Variants in DPY19L2 observed in about 807,000 individuals in gnomAD.
DPY19L2 encodes probable C-mannosyltransferase DPY19L2.
Under a neutral mutation model 97.9 loss-of-function variants are expected in DPY19L2, and 34 were observed. That is an observed-to-expected ratio of 0.35 (90% confidence interval 0.26 to 0.46). The LOEUF (loss-of-function observed/expected upper bound fraction) is 0.46, where lower values mean the gene tolerates loss of function less well. Ranked by LOEUF, DPY19L2 falls within the 20% of genes least tolerant of loss-of-function variation. DPY19L2 has a pLI of 1.00. For synonymous variants in DPY19L2, 230 were observed against 307.9 expected (o/e 0.75, Z 2.65); for missense variants, 623 against 911.4 (o/e 0.68, Z 4.07).
intron 6 of DPY19L2, among the ~76,000 whole-genome samples, chr12:63,642,028 T>C (rs1186646262): frequency 6.6e-6 from 1 of 152,158 alleles, no homozygotes; most frequent in Non-Finnish European, 1.5e-5. Flanking sequence ...ACTTTACATA[T>C]GTTTATTGAC....
rs1342083918 is a variant in DPY19L2 at position 63,576,379 on chromosome 12, G to C, written c.1900+4283C>G. Among the ~76,000 whole-genome samples the C allele has an allele frequency of 2.0e-5, 3 of 151,834 alleles. No homozygotes were observed. In the East Asian group the frequency reaches 5.8e-4, roughly 29 times the overall value. On this transcript the variant is annotated intron_variant, in intron 19 of 21. Coordinates refer to ENST00000324472, the MANE Select transcript of DPY19L2 (RefSeq NM_173812.5). The stretch of plus-strand genomic sequence containing the variant: ...ACTGAAAGCCTTTCTTCTAAGACCT[G>C]GGACATGACAAGGATGCTCACTTTT...
At chr12:63,664,351 A>G (rs1014533447) in intron 2 of DPY19L2, among the ~76,000 whole-genome samples, 6 of 151,126 alleles carry the variant, frequency 4.0e-5, no homozygotes, top group Non-Finnish European at 8.8e-5. Flanking sequence ...AAAACAAACA[A>G]AAAAAAACAA....
chr12:63,584,079 T>C (rs1881381794), intron 16 of DPY19L2: 6 of 432,878 alleles, frequency 1.4e-5, no homozygotes, highest in South Asian at 8.4e-5. Flanking sequence ...TAAGACAAAA[T>C]AGATTTTACA....
chr12:63,603,331 T>C (rs915671105), intron 12 of DPY19L2, among the ~76,000 whole-genome samples: 2 of 152,212 alleles, frequency 1.3e-5, no homozygotes, highest in Non-Finnish European at 2.9e-5. Flanking sequence ...CCCTACATTC[T>C]AGGATTCCTT....
intron 16 of DPY19L2, chr12:63,584,159 T>G (rs534736670): frequency 1.0e-5 from 2 of 200,988 alleles, no homozygotes; most frequent in East Asian, 1.2e-4. Flanking sequence ...ATATATACAG[T>G]GTATACAATA....
chr12:63,625,628 T>C (rs565099006), intron 7 of DPY19L2, among the ~76,000 whole-genome samples: 38 of 152,102 alleles, frequency 2.5e-4, no homozygotes, highest in Non-Finnish European at 4.1e-4. Context: ...TTGGGCTGAA[T>C]TAGTAAGTTA....
In DPY19L2 at chr12:63,668,231, A is replaced by G. The variant is rs777310360; in HGVS notation, c.163T>C (p.Ser55Pro). ...GKLPRGSWRS[S>P]PGRIQSLKER... ...TTCAGACTTTGGATCCTCCCCGGGGAGGACCTCCAGGAGCCCCTTGGCAGT... is the reference window on the plus strand; with the variant it reads ...TTCAGACTTTGGATCCTCCCCGGGGGGGACCTCCAGGAGCCCCTTGGCAGT... Residue 55 changes from serine to proline, a missense_variant, in exon 1 of 22, where the codon TCC becomes CCC. This residue lies in a region of DPY19L2 where 144 missense variants were observed against 119.4 expected (regional missense o/e 1.21). Transcript: ENST00000324472. 2.5e-6 allele frequency: 4 copies of G among 1,613,438 alleles called. No individual in the cohort carries two copies. In the African/African-American group the frequency reaches 5.4e-5, roughly 22 times the overall value.
chr12:63,605,693 T>C (rs757420820), intron 12 of DPY19L2, among the ~76,000 whole-genome samples: 29 of 151,928 alleles, frequency 1.9e-4, no homozygotes, highest in Middle Eastern at 3.2e-3. Flanking sequence ...ACAAGGAAAA[T>C]CAAGAAAAGC....
chr12:63,636,557 G>T (rs559896312), intron 6 of DPY19L2, among the ~76,000 whole-genome samples: 6 of 151,648 alleles, frequency 4.0e-5, no homozygotes, highest in African/African-American at 1.5e-4. Flanking sequence ...ACACACATAG[G>T]CTCAAAAAAA....
At chr12:63,605,930 C>T (rs1459610025) in intron 12 of DPY19L2, among the ~76,000 whole-genome samples, 1 of 152,120 alleles carries the variant, frequency 6.6e-6, no homozygotes, top group African/African-American at 2.4e-5. Flanking sequence ...AACCTTCATA[C>T]ACATAAATGT....
intron 13 of DPY19L2, among the ~76,000 whole-genome samples, chr12:63,599,403 T>TAA (rs1404128686): frequency 6.6e-6 from 1 of 152,068 alleles, no homozygotes; most frequent in Non-Finnish European, 1.5e-5. Context: ...ACAAATAAAC[T>TAA]AATAAACCAC....
rs1172141333 is a variant in DPY19L2, at chr12:63,588,753, T to C, written c.1581-4917A>G. ...AACCAAAAGGAAACTTTCTTTTTTT[T>C]TTTTTTTTTTTGTTTTTTGAGACGG... On this transcript the variant is annotated intron_variant, in intron 16 of 21. Transcript: ENST00000324472. Among the ~76,000 whole-genome samples, 65 of 149,730 alleles carry C rather than the reference T, an allele frequency of 4.3e-4. 1 individual carries two copies. The highest frequency in any genetic ancestry group is 7.1e-4 in the Non-Finnish European group (48 of 67,392).
chr12:63,580,824 G>A lies in DPY19L2; in HGVS notation c.1738C>T (p.Leu580Phe). 1.2e-6 allele frequency: 2 copies of A among 1,611,872 alleles called. No individual in the cohort carries two copies. The highest frequency in any genetic ancestry group is 1.7e-6 in the Non-Finnish European group (2 of 1,179,192). The change falls in exon 19 of 22, where the codon CTT (leucine) becomes TTT (phenylalanine). Residue 580 changes from leucine to phenylalanine, a missense_variant. Transcript: ENST00000324472. ...LICSRQLFGWLFRRVRFEKVI... is the reference protein window; with the variant it reads ...LICSRQLFGWFFRRVRFEKVI... ...TTCTCAAAACGAACTCTGCGAAAAA[G>A]CCAGCCAAAGAGCTGAAACGAAAGA...
chr12:63,644,644 C>G, intron 5 of DPY19L2, 148 bp from the exon 6 acceptor site: 1 of 1,285,802 alleles, frequency 7.8e-7, no homozygotes, highest in East Asian at 2.6e-5. Context: ...AATTATTTAC[C>G]CTTATAAGAG....
Position 63,668,281 on chromosome 12 carries a change from T to A in DPY19L2, c.113A>T (p.Glu38Val), listed in dbSNP as rs535377818. 1.2e-6 allele frequency: 2 copies of A among 1,613,876 alleles called. No individual in the cohort carries two copies. Residue 38 changes from glutamate (E) to valine (V), a missense_variant, in exon 1 of 22, where the codon GAA (glutamate) becomes GTA (valine). Glu to Val is a moderately radical substitution (Grantham distance 121). Around this residue, in one of 6 missense-constraint regions of DPY19L2, gnomAD observed 144 missense variants for 119.4 expected, o/e 1.21. Coordinates refer to ENST00000324472, the MANE Select transcript of DPY19L2 (RefSeq NM_173812.5). ...AREPEVEEEM[E>V]KSALGGGKLP... ...TTTCCCGCCGCCTAGGGCCGACTTT[T>A]CCATCTCCTCCTCTACCTCCGGCTC...
chr12:63,604,939 G>A (rs1885788327), intron 12 of DPY19L2, among the ~76,000 whole-genome samples: 1 of 152,052 alleles, frequency 6.6e-6, no homozygotes, highest in Non-Finnish European at 1.5e-5. Flanking sequence ...TTTATATTAT[G>A]TTAGAGACTG....
At chr12:63,604,151 A>G (rs1274808938) in intron 12 of DPY19L2, among the ~76,000 whole-genome samples, 1 of 152,158 alleles carries the variant, frequency 6.6e-6, no homozygotes, top group Non-Finnish European at 1.5e-5. Context: ...CATCTTGACA[A>G]ATGTTCTGCC....
intron 19 of DPY19L2, 146 bp from the exon 20 acceptor site, chr12:63,571,003 G>T: frequency 2.6e-6 from 2 of 760,468 alleles, no homozygotes; most frequent in Middle Eastern, 5.2e-4. Context: ...TGACTCAATA[G>T]TTATTCATTA....
intron 3 of DPY19L2, among the ~76,000 whole-genome samples, chr12:63,663,001 C>T (rs934185994): frequency 9.9e-5 from 15 of 152,218 alleles, no homozygotes; most frequent in Non-Finnish European, 1.6e-4. Context: ...AGTTGCAAGA[C>T]AATACGAATG....
Sources: gnomAD v4.1 joint callset for allele counts (sites outside exome capture counted in the v4.1 genomes callset) on GRCh38, gnomAD v4.1.1 for gene constraint, gnomAD v4.1.1 regional missense constraint, MANE v1.5 for transcripts, NCBI Gene and HGNC (gene_info 2026-07-23, HGNC 2026-07-21) for gene names.